The following RGS22 variants were observed in gnomAD, a reference collection of about 807,000 sequenced individuals.
RGS22 encodes the protein regulator of G protein signaling 22.
In RGS22, 148 loss-of-function variants were observed where a neutral mutation model predicts 172.9. The observed-to-expected ratio is 0.86, with a 90% confidence interval of 0.75 to 0.98. The LOEUF (loss-of-function observed/expected upper bound fraction) is 0.98. Among genes scored for constraint, RGS22 ranks in the 50% least tolerant of loss-of-function variants. The pLI is 0.00. For synonymous variants in RGS22, 458 were observed against 480.2 expected, an observed-to-expected ratio of 0.95 and a Z score of 0.60; for missense variants, 1,347 against 1,440.8, an observed-to-expected ratio of 0.93 and a Z score of 1.05.
intron 3 of RGS22, among the ~76,000 whole-genome samples, chr8:100,081,302 GTGGCAGAATT>G (rs1811735814): frequency 6.6e-6 from 1 of 151,260 alleles, no homozygotes; most frequent in Non-Finnish European, 1.5e-5. Flanking sequence ...AATTTAAAAA[GTGGCAGAATT>G]TCACAGTAAA....
chr8:100,032,605 C>T (rs1200511765), intron 14 of RGS22, among the ~76,000 whole-genome samples: 1 of 152,110 alleles, frequency 6.6e-6, no homozygotes, highest in Non-Finnish European at 1.5e-5. Flanking sequence ...TTAGACAGAT[C>T]AATGAGACAG....
intron 14 of RGS22, among the ~76,000 whole-genome samples, chr8:100,029,078 C>T (rs1242604073): frequency 6.6e-6 from 1 of 152,124 alleles, no homozygotes; most frequent in African/African-American, 2.4e-5. Flanking sequence ...TAGCTGACTG[C>T]CAACAAAAAT....
intron 2 of RGS22, among the ~76,000 whole-genome samples, chr8:100,104,536 T>C (rs2132078740): frequency 6.6e-6 from 1 of 152,208 alleles, no homozygotes; most frequent in Admixed American, 6.5e-5. Context: ...AAGGTGAATG[T>C]GAAAGCCACC....
At chr8:100,032,536 A>G (rs1179591930) in intron 14 of RGS22, among the ~76,000 whole-genome samples, 1 of 152,130 alleles carries the variant, frequency 6.6e-6, no homozygotes, top group African/African-American at 2.4e-5. Context: ...AGAGACCTAC[A>G]AAGAGACTTA....
At chr8:99,975,209 A>T (rs1811804396) in intron 23 of RGS22, among the ~76,000 whole-genome samples, 1 of 152,096 alleles carries the variant, frequency 6.6e-6, no homozygotes, top group Non-Finnish European at 1.5e-5. Context: ...GGTATTAATA[A>T]AATAATAGTA....
rs759524341 is a variant in RGS22 at position 100,080,329 on chromosome 8, A to G, written c.144T>C (p.Asn48=). The G allele has an allele frequency of 1.2e-6, 2 of 1,612,270 alleles. No homozygotes were observed. The highest frequency in any genetic ancestry group is 1.7e-6 in the Non-Finnish European group (2 of 1,178,982). ...CTACTTCAAAAACTCCATAATCTGC[A>G]TTAAATCTAATTGCCTCTGAAAAGG... The part of the protein sequence containing the change: ...LPTFSEAIRF[N]ADYGVFEVAN... Residue 48 remains asparagine, a synonymous_variant, in exon 4 of 28, where the codon AAT becomes AAC. Coordinates refer to ENST00000360863, the MANE Select transcript of RGS22 (RefSeq NM_015668.5).
intron 22 of RGS22, among the ~76,000 whole-genome samples, chr8:99,980,424 G>A (rs1300186934): frequency 6.6e-6 from 1 of 152,144 alleles, no homozygotes; most frequent in African/African-American, 2.4e-5. Flanking sequence ...GACAGATAAC[G>A]AGGAGACAAC....
chr8:100,052,544 G>A (rs549005028), intron 10 of RGS22, among the ~76,000 whole-genome samples: 5 of 151,862 alleles, frequency 3.3e-5, no homozygotes, highest in East Asian at 1.9e-4. Flanking sequence ...CTCGTGATCC[G>A]CCTGCCTCGG....
chr8:100,055,421 C>T (rs1822141046), intron 9 of RGS22, among the ~76,000 whole-genome samples: 1 of 152,220 alleles, frequency 6.6e-6, no homozygotes, highest in Admixed American at 6.5e-5. Context: ...AGAACAACAG[C>T]ATTACTAACC....
chr8:100,001,583 A>G (rs2131329048), intron 18 of RGS22, among the ~76,000 whole-genome samples: 1 of 152,310 alleles, frequency 6.6e-6, no homozygotes, highest in Non-Finnish European at 1.5e-5. Flanking sequence ...TTATTTAGTT[A>G]TTAATAAATT....
chr8:100,051,981 GTTTATATATA>G (rs1235176650), intron 10 of RGS22, among the ~76,000 whole-genome samples: 22 of 39,770 alleles, frequency 5.5e-4, no homozygotes, highest in South Asian at 2.1e-3. Context: ...ATATATAAAT[GTTTATATATA>G]TTTATATATT....
intron 14 of RGS22, among the ~76,000 whole-genome samples, chr8:100,017,126 A>G (rs1037425200): frequency 6.6e-6 from 1 of 150,402 alleles, no homozygotes; most frequent in East Asian, 2.0e-4. Flanking sequence ...TTTCATCACC[A>G]TGCTCCACTA....
intron 7 of RGS22, 33 bp from the exon 8 acceptor site, chr8:100,064,076 A>G (rs750136656): frequency 5.0e-6 from 7 of 1,413,674 alleles, no homozygotes; most frequent in Non-Finnish European, 6.6e-6. Context: ...ATTAGATTAG[A>G]TATGAATACA....
At chr8:100,036,349 G>A (rs572584636) in intron 14 of RGS22, among the ~76,000 whole-genome samples, 97 of 152,208 alleles carry the variant, frequency 6.4e-4, no homozygotes, top group African/African-American at 2.2e-3. Flanking sequence ...GAAGCCATGT[G>A]GTGAAATCTT....
chr8:100,047,969 G>T (rs377511837), intron 10 of RGS22, among the ~76,000 whole-genome samples: 2 of 152,050 alleles, frequency 1.3e-5, no homozygotes, highest in African/African-American at 2.4e-5. Context: ...TACTGGGGGG[G>T]GGTGCGGGTG....
At chr8:99,964,442 C>T (rs1408756190) in intron 24 of RGS22, among the ~76,000 whole-genome samples, 1 of 144,514 alleles carries the variant, frequency 6.9e-6, no homozygotes, top group Non-Finnish European at 1.5e-5. Flanking sequence ...CGTACCAGTG[C>T]ACTCCAGCCT....
Position 100,106,036 on chromosome 8 carries a change from A to T in RGS22, c.-115T>A, listed in dbSNP as rs1233428551. On this transcript the variant is annotated 5_prime_UTR_variant, in exon 1 of 28. Coordinates refer to ENST00000360863, the MANE Select transcript of RGS22 (RefSeq NM_015668.5). ...GCGACGGCGCGCGGGCTCCGGAGCTACGCTGGCTAGCGTGGCCGGCGCCGC... is the reference window on the plus strand; with the variant it reads ...GCGACGGCGCGCGGGCTCCGGAGCTTCGCTGGCTAGCGTGGCCGGCGCCGC... 1.7e-6 allele frequency: 2 copies of T among 1,179,156 alleles called. No individual in the cohort carries two copies. Among genetic ancestry groups the T allele is most frequent in the Non-Finnish European group, 2.1e-6 (2 of 954,928 alleles). The allele number at this position is 1,179,156 out of a possible 1,614,324, so 73.0% of individuals were successfully genotyped here.
intron 11 of RGS22, among the ~76,000 whole-genome samples, chr8:100,043,709 G>C (rs996257466): frequency 6.6e-6 from 1 of 152,050 alleles, no homozygotes; most frequent in African/African-American, 2.4e-5. Flanking sequence ...TCATGAGGTG[G>C]AGGCTGCAGT....
At chr8:100,029,260 G>T (rs1405063693) in intron 14 of RGS22, among the ~76,000 whole-genome samples, 6 of 152,258 alleles carry the variant, frequency 3.9e-5, no homozygotes, top group African/African-American at 1.2e-4. Context: ...ATAAAGCTGT[G>T]CCCAGAATCC....
Sources: allele counts gnomAD v4.1 joint callset (sites outside exome capture counted in the v4.1 genomes callset), GRCh38; gene constraint gnomAD v4.1.1; transcripts MANE v1.5; gene names NCBI Gene and HGNC (gene_info 2026-07-23, HGNC 2026-07-21).